Variants in TTC7B observed in about 807,000 individuals in gnomAD.
The protein encoded by TTC7B is tetratricopeptide repeat protein 7B.
A neutral mutation model predicts 106.8 loss-of-function variants in TTC7B; 28 were observed. The observed-to-expected ratio is 0.26, with a 90% CI of 0.19 to 0.36. TTC7B has a LOEUF of 0.36. Ranked by LOEUF, TTC7B falls within the 10% of genes least tolerant of loss-of-function variation. TTC7B has a pLI of 1.00. For synonymous variants in TTC7B, 405 were observed against 430.6 expected (o/e 0.94, Z 0.74); for missense variants, 862 against 1,076.4 (o/e 0.80, Z 2.79).
intron 8 of TTC7B, chr14:90,677,845 A>T (rs1413305788): frequency 2.2e-6 from 1 of 455,706 alleles, no homozygotes; most frequent in East Asian, 7.0e-5. Flanking sequence ...TTGCTGTTAA[A>T]TGTCAAAGAC....
chr14:90,755,316 A>G (rs1220199237), intron 3 of TTC7B, among the ~76,000 whole-genome samples: 4 of 152,110 alleles, frequency 2.6e-5, no homozygotes, highest in Admixed American at 6.5e-5. Context: ...AATCACCTCT[A>G]CTATGTAACT....
At chr14:90,720,833 T>G (rs1475158754) in intron 5 of TTC7B, among the ~76,000 whole-genome samples, 1 of 152,198 alleles carries the variant, frequency 6.6e-6, no homozygotes, top group African/African-American at 2.4e-5. Context: ...AATTTACTTG[T>G]TTTTTCTTCT....
chr14:90,635,665 C>A (rs1383869515), intron 15 of TTC7B, among the ~76,000 whole-genome samples: 1 of 150,180 alleles, frequency 6.7e-6, no homozygotes, highest in African/African-American at 2.5e-5. Flanking sequence ...GAGGCTGAGG[C>A]AGGAGGATGG....
At position 90,561,073 on chromosome 14, in the gene TTC7B, C is replaced by T. The variant is rs1890554964; in HGVS notation, c.2310+17033G>A. 2.0e-5 allele frequency among the ~76,000 whole-genome samples: 3 copies of T among 152,226 alleles called. No individual in the cohort carries two copies. The South Asian group carries it at 6.2e-4, about 31-fold the overall frequency. On this transcript the variant is annotated intron_variant, in intron 19 of 19. Coordinates refer to ENST00000328459, the MANE Select transcript of TTC7B (RefSeq NM_001010854.2). ...TCCCCGCAGGGATCGCTCACTTGCGCTTTGGTTCTGGCCCCATGCATCTGT... is the reference window on the plus strand; with the variant it reads ...TCCCCGCAGGGATCGCTCACTTGCGTTTTGGTTCTGGCCCCATGCATCTGT...
rs1190441318 is a variant in TTC7B at position 90,537,128 on chromosome 14, C to T, written c.*4240G>A. 6.6e-6 allele frequency: 1 copy of T among 152,252 alleles called. No individual in the cohort carries two copies. The highest frequency in any genetic ancestry group is 2.4e-5 in the African/African-American group (1 of 41,468). 9.4% of individuals were successfully genotyped at this position (152,252 alleles called of 1,614,324 possible). On this transcript the variant is annotated 3_prime_UTR_variant, in exon 20 of 20. Coordinates refer to ENST00000328459, the MANE Select transcript of TTC7B (RefSeq NM_001010854.2). ...ACTGAAAGCTTGATTTGACTTCTGA[C>T]CTCCAAAACAAAGAGAATAAATTTG... is the stretch of plus-strand genomic sequence containing the variant.
At chr14:90,620,076 C>T (rs1893246260) in intron 15 of TTC7B, among the ~76,000 whole-genome samples, 1 of 152,102 alleles carries the variant, frequency 6.6e-6, no homozygotes, top group South Asian at 2.1e-4. Context: ...CCCAGCGACC[C>T]CTCCAAATGG....
In TTC7B at chr14:90,742,418, G is replaced by A. The variant is rs564692987; in HGVS notation, c.576+2374C>T. Among the ~76,000 whole-genome samples, 1 of 152,044 alleles carries A rather than the reference G, an allele frequency of 6.6e-6. No individual in the cohort carries two copies. Among genetic ancestry groups the A allele is most frequent in the Non-Finnish European group, 1.5e-5 (1 of 67,988 alleles). On this transcript the variant is annotated intron_variant, in intron 4 of 19. Transcript: ENST00000328459. This position sits in a 1 kb window ranked among gnomAD's most constrained non-coding sequence, Gnocchi z 4.1. ...GGCTGATCTTAAACTTCTGGCCTCA[G>A]GTGATCCTCCTGTCTCGGCCTCTCA... is the stretch of plus-strand genomic sequence containing the variant.
Position 90,759,435 on chromosome 14 carries a change from T to C in TTC7B, c.446-14513A>G, listed in dbSNP as rs1459240957. Among the ~76,000 whole-genome samples, 1 of 152,182 alleles carries C rather than the reference T, an allele frequency of 6.6e-6. No individual in the cohort carries two copies. Among genetic ancestry groups the C allele is most frequent in the East Asian group, 1.9e-4 (1 of 5,198 alleles). On this transcript the variant is annotated intron_variant, in intron 3 of 19. Coordinates refer to ENST00000328459, the MANE Select transcript of TTC7B (RefSeq NM_001010854.2). The surrounding 1 kb of genome is among the most constrained non-coding windows in gnomAD (Gnocchi z 4.1). ...TGATGTCTTACAACCTTACTAGCTT[T>C]GTAGCAGTCTAGGCCCCAAAGAGAT...
intron 3 of TTC7B, among the ~76,000 whole-genome samples, chr14:90,758,075 C>T (rs1890363591): frequency 6.6e-6 from 1 of 152,022 alleles, no homozygotes; most frequent in Non-Finnish European, 1.5e-5. Context: ...AGTGTGAACG[C>T]CTCCCAGAGA....
chr14:90,553,322 A>T (rs1354956422), intron 19 of TTC7B, among the ~76,000 whole-genome samples: 1 of 152,208 alleles, frequency 6.6e-6, no homozygotes, highest in Admixed American at 6.5e-5. Context: ...CATTGAACTC[A>T]ACTCAGAAGG....
chr14:90,645,368 T>C (rs547334839), intron 14 of TTC7B, among the ~76,000 whole-genome samples: 4 of 152,266 alleles, frequency 2.6e-5, no homozygotes, highest in Admixed American at 6.5e-5. Flanking sequence ...TTCACCCCAA[T>C]CCTTCAGTTA....
At chr14:90,621,757 C>T (rs1327190247) in intron 15 of TTC7B, among the ~76,000 whole-genome samples, 1 of 152,200 alleles carries the variant, frequency 6.6e-6, no homozygotes, top group African/African-American at 2.4e-5. Context: ...CCTCAAACCT[C>T]AGCTTGTTTA....
At position 90,805,763 on chromosome 14, in the gene TTC7B, T is replaced by C. The variant is rs187315833; in HGVS notation, c.121+10412A>G. ...TAGTGAGACTCTCATCAAAGAGATA[T>C]GGGGAATTAGCCGCCCTGCAGGGGG... is the stretch of plus-strand genomic sequence containing the variant. On this transcript the variant is annotated intron_variant, in intron 1 of 19. Coordinates refer to ENST00000328459, the MANE Select transcript of TTC7B (RefSeq NM_001010854.2). This position sits in a 1 kb window ranked among gnomAD's most constrained non-coding sequence, Gnocchi z 4.0. 1.6e-3 allele frequency among the ~76,000 whole-genome samples: 237 copies of C among 152,260 alleles called. 1 individual carries two copies. The highest frequency in any genetic ancestry group is 2.4e-3 in the Non-Finnish European group (162 of 68,002).
chr14:90,783,042 G>C (rs1891271556), intron 2 of TTC7B, among the ~76,000 whole-genome samples: 1 of 152,190 alleles, frequency 6.6e-6, no homozygotes, highest in African/African-American at 2.4e-5. Context: ...GGACACACTG[G>C]GAGAGCCTCC....
chr14:90,786,459 T>C, intron 1 of TTC7B, 131 bp from the exon 2 acceptor site: 1 of 980,810 alleles, frequency 1.0e-6, no homozygotes, highest in South Asian at 1.6e-5. Context: ...TGGAACTTCA[T>C]AGCCTTCATA....
intron 5 of TTC7B, among the ~76,000 whole-genome samples, chr14:90,724,482 G>A (rs953111084): frequency 9.2e-4 from 140 of 152,262 alleles, no homozygotes; most frequent in African/African-American, 3.3e-3. Context: ...TCTCATGAAT[G>A]GTTTAGCACC....
intron 2 of TTC7B, among the ~76,000 whole-genome samples, chr14:90,783,052 C>T (rs996374669): frequency 2.0e-5 from 3 of 152,190 alleles, no homozygotes; most frequent in Non-Finnish European, 2.9e-5. Context: ...GGAGAGCCTC[C>T]CTGGGCGAGT....
At chr14:90,548,635 C>T (rs113329922) in intron 19 of TTC7B, among the ~76,000 whole-genome samples, 6 of 152,312 alleles carry the variant, frequency 3.9e-5, no homozygotes, top group South Asian at 2.1e-4. Flanking sequence ...GGGTGAACCC[C>T]GGTCATCTCT....
intron 4 of TTC7B, among the ~76,000 whole-genome samples, chr14:90,740,786 G>C (rs543876772): frequency 6.6e-6 from 1 of 152,214 alleles, no homozygotes; most frequent in South Asian, 2.1e-4. Context: ...ACAGGTGTGA[G>C]CCACCACACC....
Sources: allele counts gnomAD v4.1 joint callset (sites outside exome capture counted in the v4.1 genomes callset), GRCh38; gene constraint gnomAD v4.1.1; non-coding constraint Gnocchi (gnomAD v3.1); transcripts MANE v1.5; gene names NCBI Gene and HGNC (gene_info 2026-07-23, HGNC 2026-07-21).